Variants in CHAF1A observed in about 807,000 individuals in gnomAD.
CHAF1A encodes CAF-1 subunit A.
A neutral mutation model predicts 93.2 loss-of-function variants in CHAF1A; 5 were observed. The ratio of observed to expected loss-of-function variants is 0.05; its 90% CI spans 0.03 to 0.11. The LOEUF is 0.11. CHAF1A is among the 10% of genes least tolerant of loss of function. The probability of loss-of-function intolerance (pLI) is 1.00; values close to 1 mark genes in which losing one functional copy is unlikely to be tolerated. For missense variants in CHAF1A, 1,102 were observed against 1,259.9 expected, an observed-to-expected ratio of 0.87 and a Z score of 1.90; for synonymous variants, 504 against 510.3, an observed-to-expected ratio of 0.99 and a Z score of 0.17.
At position 4,405,904 on chromosome 19, in the gene CHAF1A, A is replaced by G. The variant is rs1400823858; in HGVS notation, c.53-8A>G. The G allele has an allele frequency of 1.9e-6, 3 of 1,612,566 alleles. No homozygotes were observed. Among genetic ancestry groups the G allele is most frequent in the Non-Finnish European group, 2.5e-6 (3 of 1,178,656 alleles). On this transcript the variant is annotated splice_region_variant and splice_polypyrimidine_tract_variant and intron_variant, in intron 1 of 14. Coordinates refer to ENST00000301280, the MANE Select transcript of CHAF1A (RefSeq NM_005483.3). ...TAACAGTTTACCCTTTGACACTTTTATTTGCAGCCATGGATTGCAAAGATA... is the reference window on the plus strand; with the variant it reads ...TAACAGTTTACCCTTTGACACTTTTGTTTGCAGCCATGGATTGCAAAGATA...
In CHAF1A at chr19:4,409,299, A is replaced by T. The variant is rs35651457; in HGVS notation, c.500A>T (p.Asp167Val). 1,354 of 1,614,096 alleles carry T rather than the reference A, an allele frequency of 8.4e-4. 18 individuals are homozygous for T. The African/African-American group carries it at 0.015, about 18-fold the overall frequency. Residue 167 changes from aspartate to valine, a missense_variant, in exon 3 of 15, where the codon GAC becomes GTC. Around this residue, in one of 6 missense-constraint regions of CHAF1A, gnomAD observed 379 missense variants for 365.7 expected, o/e 1.04. Transcript: ENST00000301280. ...GGGTTGTTGAAGGCCATTCAGAACGACAAGTTGGCATTTCCTGGAGAGACC... is the reference window on the plus strand; with the variant it reads ...GGGTTGTTGAAGGCCATTCAGAACGTCAAGTTGGCATTTCCTGGAGAGACC... ...QQGLLKAIQN[D>V]KLAFPGETLS... is the part of the protein sequence containing the mutation.
intron 4 of CHAF1A, among the ~76,000 whole-genome samples, chr19:4,420,886 A>G (rs1973979558): frequency 6.6e-6 from 1 of 152,118 alleles, no homozygotes; most frequent in South Asian, 2.1e-4. Flanking sequence ...CAGTCTGGGC[A>G]ACATAGTGAG....
In CHAF1A at chr19:4,442,906, T is replaced by A; in HGVS notation, c.2771-19T>A. The A allele has an allele frequency of 6.5e-7, 1 of 1,543,158 alleles. No homozygotes were observed. Among genetic ancestry groups the A allele is most frequent in the Non-Finnish European group, 8.7e-7 (1 of 1,144,820 alleles). On this transcript the variant is annotated intron_variant, in intron 14 of 14. Transcript: ENST00000301280. ...AGAGGGCCCAGCCAGCTCAAGACCC[T>A]CCCTCTCTTGCCCTGCAGAGGTCCA... is the stretch of plus-strand genomic sequence containing the variant.
chr19:4,432,313 TCCAC>T, intron 12 of CHAF1A, 106 bp downstream of exon 12: 1 of 1,309,664 alleles, frequency 7.6e-7, no homozygotes, highest in Non-Finnish European at 1.0e-6. Context: ...AAATGTTCTT[TCCAC>T]AAATAACAGA....
intron 13 of CHAF1A, among the ~76,000 whole-genome samples, chr19:4,441,751 A>G (rs1003513919): frequency 1.3e-5 from 2 of 151,746 alleles, no homozygotes; most frequent in South Asian, 2.1e-4. Context: ...TAAAAATACA[A>G]ACTGGGCGTG....
Position 4,402,811 on chromosome 19 carries a change from A to G in CHAF1A, c.49A>G (p.Thr17Ala), listed in dbSNP as rs1973607115. 2 of 1,203,616 alleles carry G rather than the reference A, an allele frequency of 1.7e-6. No individual in the cohort carries two copies. Among genetic ancestry groups the G allele is most frequent in the Admixed American group, 8.8e-5 (2 of 22,654 alleles). The allele number at this position is 1,203,616 out of a possible 1,614,324, so 74.6% of individuals were successfully genotyped here. Residue 17 changes from threonine (T) to alanine (A), a missense_variant, in exon 1 of 15, where the codon ACA becomes GCA. Physicochemically the swap from Thr to Ala is moderately conservative, Grantham distance 58. Around this residue, in one of 6 missense-constraint regions of CHAF1A, gnomAD observed 28 missense variants for 56.5 expected, o/e 0.50. Coordinates refer to ENST00000301280, the MANE Select transcript of CHAF1A (RefSeq NM_005483.3). ...GGCGCCCGGCGCCAGGGGAGCCGCC[A>G]CAGGTCGGTTCGGGCCCGCGCCGAG... ...CGAPGARGAATAMDCKDRPAF... is the reference protein window; with the variant it reads ...CGAPGARGAAAAMDCKDRPAF...
chr19:4,446,036 G>A, downstream of CHAF1A: 1 of 1,604,338 alleles, frequency 6.2e-7, no homozygotes, highest in African/African-American at 1.3e-5. Context: ...TGCTCCTGCG[G>A]GCCGACACTC....
chr19:4,440,243 G>T (rs770829081), intron 13 of CHAF1A, among the ~76,000 whole-genome samples: 15 of 152,140 alleles, frequency 9.9e-5, no homozygotes, highest in Non-Finnish European at 1.9e-4. Flanking sequence ...AAGCACTGAC[G>T]TGGAGGCTCA....
At chr19:4,413,291 C>G (rs897721900) in intron 3 of CHAF1A, among the ~76,000 whole-genome samples, 1 of 152,036 alleles carries the variant, frequency 6.6e-6, no homozygotes, top group Non-Finnish European at 1.5e-5. Context: ...AGGCTGGTCT[C>G]GAACTCCTGA....
At chr19:4,448,239 G>T, downstream of CHAF1A, 2 of 1,313,938 alleles carry the variant, frequency 1.5e-6, no homozygotes, top group Non-Finnish European at 2.1e-6. Flanking sequence ...GAGGGGGCCA[G>T]AGGGGGTGAC....
At chr19:4,417,808 G>A (rs1212102717) in intron 3 of CHAF1A, among the ~76,000 whole-genome samples, 1 of 151,908 alleles carries the variant, frequency 6.6e-6, no homozygotes, top group Admixed American at 6.6e-5. Context: ...TCTTGTGCTT[G>A]GTGTCCTTCA....
Position 4,433,371 on chromosome 19 carries a change from G to T in CHAF1A, c.2505G>T (p.Val835=), listed in dbSNP as rs771117769. The change falls in exon 13 of 15, where the codon GTG becomes GTT. Residue 835 remains valine, a synonymous_variant. Coordinates refer to ENST00000301280, the MANE Select transcript of CHAF1A (RefSeq NM_005483.3). The surrounding 1 kb of genome is among the most constrained non-coding windows in gnomAD (Gnocchi z 5.6). ...GCTTCCAGCAGGAGCACCTGCCCGT[G>T]CCGTGCCAGTGGAGCTATGTGACAT... ...LQSFQQEHLP[V]PCQWSYVTSV... 14 of 1,613,058 alleles carry T rather than the reference G, an allele frequency of 8.7e-6. No homozygotes were observed. The African/African-American group carries it at 1.7e-4, about 20-fold the overall frequency.
intron 11 of CHAF1A, 55 bp from the exon 12 acceptor site, chr19:4,431,897 C>T: frequency 1.3e-6 from 2 of 1,544,926 alleles, no homozygotes; most frequent in Non-Finnish European, 1.7e-6. Context: ...CAAAAGAGTG[C>T]CCGGGCATAG....
chr19:4,445,563 C>G (rs776367673), downstream of CHAF1A: 3 of 1,613,832 alleles, frequency 1.9e-6, no homozygotes, highest in Non-Finnish European at 1.7e-6. Context: ...TCGGCCCCCG[C>G]GGCCTTGATG....
chr19:4,445,684 C>T, downstream of CHAF1A: 1 of 1,580,268 alleles, frequency 6.3e-7, no homozygotes, highest in South Asian at 1.1e-5. Context: ...CGGCAGGGAA[C>T]TCAGCGGGCA....
At position 4,423,326 on chromosome 19, in the gene CHAF1A, G is replaced by T. The variant is rs994572084; in HGVS notation, c.1248-9G>T. 2.5e-6 allele frequency: 4 copies of T among 1,613,974 alleles called. No individual in the cohort carries two copies. Among genetic ancestry groups the T allele is most frequent in the Admixed American group, 3.3e-5 (2 of 59,978 alleles). Reference sequence around the variant, plus strand: ...AGAGTCGGCTGAAATGTCATTTGCTGTCTCACAGGGCTAAACTTGAGGAAA... The same window carrying T: ...AGAGTCGGCTGAAATGTCATTTGCTTTCTCACAGGGCTAAACTTGAGGAAA... On this transcript the variant is annotated splice_polypyrimidine_tract_variant and intron_variant, in intron 5 of 14. Coordinates refer to ENST00000301280, the MANE Select transcript of CHAF1A (RefSeq NM_005483.3).
chr19:4,416,666 G>C (rs1463356988), intron 3 of CHAF1A, among the ~76,000 whole-genome samples: 1 of 152,160 alleles, frequency 6.6e-6, no homozygotes, highest in Non-Finnish European at 1.5e-5. Flanking sequence ...GAGGCGGGTG[G>C]ATCACCTGAG....
intron 10 of CHAF1A, chr19:4,430,090 A>G: frequency 2.5e-6 from 1 of 403,740 alleles, no homozygotes; most frequent in Non-Finnish European, 4.5e-6. Context: ...TTTCCTCCTG[A>G]CTGCCCAGCT....
At chr19:4,430,180 AT>A (rs140348726) in intron 10 of CHAF1A, 2 of 320,684 alleles carry the variant, frequency 6.2e-6, no homozygotes, top group Non-Finnish European at 1.2e-5. Flanking sequence ...ACAGCTTTAC[AT>A]TTTTTTGTTT....
Sources: allele counts gnomAD v4.1 joint callset (sites outside exome capture counted in the v4.1 genomes callset), GRCh38; gene constraint gnomAD v4.1.1; regional missense constraint gnomAD v4.1.1; non-coding constraint Gnocchi (gnomAD v3.1); transcripts MANE v1.5; gene names NCBI Gene and HGNC (gene_info 2026-07-23, HGNC 2026-07-21).